SLFN14: variants seen among roughly 807,000 people sequenced by gnomAD.
The protein encoded by SLFN14 is protein SLFN14.
SLFN14 carries 47 observed loss-of-function variants against 58.6 expected under a neutral mutation model. The ratio of observed to expected loss-of-function variants is 0.80; its 90% CI spans 0.64 to 1.02. SLFN14 has a LOEUF of 1.02. SLFN14 is among the 50% of genes least tolerant of loss of function. SLFN14 has a pLI of 0.00. For synonymous variants in SLFN14, 390 were observed against 387.3 expected, an observed-to-expected ratio of 1.01 and a Z score of -0.08; for missense variants, 967 against 1,078.4, an observed-to-expected ratio of 0.90 and a Z score of 1.45.
In SLFN14 at chr17:35,545,459, G is replaced by A. The variant is rs2142191634; in HGVS notation, c.*2780C>T. 6.6e-6 allele frequency among the ~76,000 whole-genome samples: 1 copy of A among 152,188 alleles called. No homozygotes were observed. Among genetic ancestry groups the A allele is most frequent in the East Asian group, 1.9e-4 (1 of 5,180 alleles). On this transcript the variant is annotated 3_prime_UTR_variant, in exon 6 of 6. Transcript: ENST00000674182. ...ACAGAAAGAACAGACTAGGAGAAGG[G>A]TTCAATGGTTCTCAACCCTTGTGAC...
chr17:35,557,474 TGA>T lies in SLFN14; in HGVS notation c.587_588del (p.Leu196HisfsTer3), dbSNP rs1349054531. On this transcript the variant is annotated frameshift_variant, in exon 3 of 6. Transcript: ENST00000674182. LOFTEE classifies it high-confidence loss of function. ...LASEFFKKDK[L>X]MYKEKLNFTE... The stretch of plus-strand genomic sequence containing the variant: ...GTAAAGTTGAGTTTCTCCTTATACA[TGA>T]GTTTGTCCTTTTTAAAAAATTCTGA... 6.4e-7 allele frequency: 1 copy of T among 1,551,580 alleles called. No individual in the cohort carries two copies. The highest frequency in any genetic ancestry group is 8.7e-7 in the Non-Finnish European group (1 of 1,146,998).
In SLFN14 at chr17:35,557,102, C is replaced by T; in HGVS notation, c.961G>A (p.Val321Met). The T allele has an allele frequency of 2.6e-6, 4 of 1,551,664 alleles. No homozygotes were observed. The highest frequency in any genetic ancestry group is 3.5e-6 in the Non-Finnish European group (4 of 1,146,980). ...VIQVEPFCCV[V>M]FAEAPDSWIM... is the part of the protein sequence containing the mutation. ...CAGGAATCTGGGGCCTCTGCAAACACCACGCAACAGAAGGGCTCCACTTGA... is the reference window on the plus strand; with the variant it reads ...CAGGAATCTGGGGCCTCTGCAAACATCACGCAACAGAAGGGCTCCACTTGA... The change falls in exon 3 of 6, where the codon GTG becomes ATG. Residue 321 changes from valine (V) to methionine (M), a missense_variant. By Grantham distance (21) the Val-to-Met change is conservative. Coordinates refer to ENST00000674182, the MANE Select transcript of SLFN14 (RefSeq NM_001129820.2).
chr17:35,558,240 G>C (rs142755847), intron 2 of SLFN14, 134 bp from the exon 3 acceptor site: 2 of 672,782 alleles, frequency 3.0e-6, no homozygotes, highest in Non-Finnish European at 4.8e-6. Flanking sequence ...TATATTTGTT[G>C]TTGTTGTTTG....
At chr17:35,553,540 G>T in intron 4 of SLFN14, 96 bp from the exon 5 acceptor site, 1 of 948,394 alleles carries the variant, frequency 1.1e-6, no homozygotes, top group Non-Finnish European at 1.5e-6. Context: ...TGGTGCATTT[G>T]GGAAAATAAG....
In SLFN14 at chr17:35,553,440, T is replaced by C; in HGVS notation, c.1194A>G (p.Thr398=). ...EALQRHLFPV[T]QEEVQFKPES... The stretch of plus-strand genomic sequence containing the variant: ...CTGGTTTAAATTGTACCTCTTCCTG[T>C]GTCACTGAAAATTCAAGGAATAGAT... Residue 398 remains threonine (T), a synonymous_variant, in exon 5 of 6, where the codon ACA becomes ACG. Coordinates refer to ENST00000674182, the MANE Select transcript of SLFN14 (RefSeq NM_001129820.2). 2 of 1,531,222 alleles carry C rather than the reference T, an allele frequency of 1.3e-6. No homozygotes were observed. The highest frequency in any genetic ancestry group is 1.8e-6 in the Non-Finnish European group (2 of 1,136,672). The allele number at this position is 1,531,222 out of a possible 1,614,324, so 94.9% of individuals were successfully genotyped here.
intron 1 of SLFN14, among the ~76,000 whole-genome samples, 27 bp from the exon 2 acceptor site, chr17:35,559,832 G>A (rs978138597): frequency 2.0e-5 from 3 of 152,092 alleles, no homozygotes; most frequent in African/African-American, 7.2e-5. Context: ...ATCAACCTGG[G>A]GAATTCTTTT....
chr17:35,553,494 A>G (rs1233155352), intron 4 of SLFN14, 50 bp from the exon 5 acceptor site: 2 of 1,395,324 alleles, frequency 1.4e-6, no homozygotes, highest in Non-Finnish European at 1.9e-6. Flanking sequence ...AGCATGTGGT[A>G]AGTATTCCTG....
Position 35,548,531 on chromosome 17 carries a change from G to T in SLFN14, c.2447C>A (p.Ala816Glu), listed in dbSNP as rs754784029. ...FQCGYLPKDI[A>E]ILCRRGEDRG... ...GTCCTCCCCTCTCCTGCACAGAATT[G>T]CTATATCTTTGGGCAGATAGCCACA... Residue 816 changes from alanine (A) to glutamate (E), a missense_variant, in exon 6 of 6, where the codon GCA becomes GAA. Transcript: ENST00000674182. 5.2e-6 allele frequency: 8 copies of T among 1,551,608 alleles called. No individual in the cohort carries two copies. The South Asian group carries it at 9.5e-5, about 18-fold the overall frequency.
rs1289429493 is a variant in SLFN14 at position 35,545,704 on chromosome 17, G to A, written c.*2535C>T. On this transcript the variant is annotated 3_prime_UTR_variant, in exon 6 of 6. Transcript: ENST00000674182. Reference sequence around the variant, plus strand: ...TTTTGTAGAGATGGGGTCTTGTTATGTTGCCCAGGCTGGTCTCCAACTCCT... The same window carrying A: ...TTTTGTAGAGATGGGGTCTTGTTATATTGCCCAGGCTGGTCTCCAACTCCT... Among the ~76,000 whole-genome samples, 4 of 152,062 alleles carry A rather than the reference G, an allele frequency of 2.6e-5. No individual in the cohort carries two copies. The highest frequency in any genetic ancestry group is 4.8e-5 in the African/African-American group (2 of 41,420).
rs1377395697 is a variant in SLFN14 at position 35,558,007 on chromosome 17, A to G, written c.56T>C (p.Val19Ala). 3 of 1,551,510 alleles carry G rather than the reference A, an allele frequency of 1.9e-6. No individual in the cohort carries two copies. The highest frequency in any genetic ancestry group is 2.0e-5 in the Admixed American group (1 of 50,986). The change falls in exon 3 of 6, where the codon GTG becomes GCG. Residue 19 changes from valine (V) to alanine (A), a missense_variant. Coordinates refer to ENST00000674182, the MANE Select transcript of SLFN14 (RefSeq NM_001129820.2). Reference sequence around the variant, plus strand: ...TTCTTCTCCAAAAATCACTCTGCCCACATCTACTATTACCTCAGGATACGG... The same window carrying G: ...TTCTTCTCCAAAAATCACTCTGCCCGCATCTACTATTACCTCAGGATACGG... ...EMPYPEVIVD[V>A]GRVIFGEENR...
At chr17:35,552,355 G>A (rs913934480) in intron 5 of SLFN14, among the ~76,000 whole-genome samples, 5 of 152,000 alleles carry the variant, frequency 3.3e-5, no homozygotes, top group African/African-American at 1.2e-4. Context: ...TTTAAACATG[G>A]GGCTTGCAAC....
At chr17:35,560,240 T>C (rs928333762) in intron 1 of SLFN14, among the ~76,000 whole-genome samples, 1 of 152,260 alleles carries the variant, frequency 6.6e-6, no homozygotes, top group African/African-American at 2.4e-5. Context: ...CTCATCAATG[T>C]TATTTGAATG....
At chr17:35,549,937 T>C (rs1409782886) in intron 5 of SLFN14, among the ~76,000 whole-genome samples, 1 of 152,238 alleles carries the variant, frequency 6.6e-6, no homozygotes, top group Non-Finnish European at 1.5e-5. Context: ...GAGTTAGCCT[T>C]TTGACTGGAG....
At chr17:35,549,850 T>C (rs2072568945) in intron 5 of SLFN14, among the ~76,000 whole-genome samples, 1 of 152,230 alleles carries the variant, frequency 6.6e-6, no homozygotes, top group Admixed American at 6.5e-5. Flanking sequence ...GTTTGGACTG[T>C]GTGGACTCAA....
At chr17:35,552,663 C>CGT in intron 5 of SLFN14, 67 bp downstream of exon 5, 3 of 571,806 alleles carry the variant, frequency 5.2e-6, no homozygotes, top group Non-Finnish European at 8.2e-6. Flanking sequence ...TATATATACA[C>CGT]ATATATATAC....
Position 35,547,113 on chromosome 17 carries a change from G to T in SLFN14, c.*1126C>A, listed in dbSNP as rs1374262987. On this transcript the variant is annotated 3_prime_UTR_variant, in exon 6 of 6. Coordinates refer to ENST00000674182, the MANE Select transcript of SLFN14 (RefSeq NM_001129820.2). ...AATGTAGGCAAAATTTGTATATGTT[G>T]GGGGCAGTAAGGAGAGGGTTGGTGG... Among the ~76,000 whole-genome samples the T allele has an allele frequency of 6.6e-6, 1 of 152,108 alleles. No homozygotes were observed. The highest frequency in any genetic ancestry group is 1.5e-5 in the Non-Finnish European group (1 of 68,006).
Position 35,553,265 on chromosome 17 carries a change from C to T in SLFN14, c.1369G>A (p.Asp457Asn). ...GFRKEQNVLC[D>N]ALLIAVNSPV... is the part of the protein sequence containing the mutation. ...CTGTTAACTGCTATCAGGAGAGCAT[C>T]ACACAGGACATTCTGTTCTTTCCTG... Residue 457 changes from aspartate to asparagine, a missense_variant, in exon 5 of 6, where the codon GAT (aspartate) becomes AAT (asparagine). Physicochemically the swap from Asp to Asn is conservative, Grantham distance 23. Transcript: ENST00000674182. The T allele has an allele frequency of 6.4e-7, 1 of 1,551,674 alleles. No homozygotes were observed. Among genetic ancestry groups the T allele is most frequent in the Non-Finnish European group, 8.7e-7 (1 of 1,146,988 alleles).
At position 35,556,999 on chromosome 17, in the gene SLFN14, T is replaced by A; in HGVS notation, c.1060+4A>T. ...ATGGGGACAATGACTTCACTTCCCT[T>A]TACCTGACTGAGTATCCAGCATCAT... On this transcript the variant is annotated splice_donor_region_variant and intron_variant, in intron 3 of 5. Coordinates refer to ENST00000674182, the MANE Select transcript of SLFN14 (RefSeq NM_001129820.2). The A allele has an allele frequency of 6.5e-7, 1 of 1,547,738 alleles. No individual in the cohort carries two copies. The highest frequency in any genetic ancestry group is 1.2e-5 in the South Asian group (1 of 83,470).
intron 2 of SLFN14, among the ~76,000 whole-genome samples, chr17:35,558,458 AT>A (rs564865952): frequency 1.3e-3 from 180 of 141,554 alleles, no homozygotes; most frequent in East Asian, 1.2e-3. Context: ...TGTTCTTGCT[AT>A]TTTTTTTTTT....
Sources: allele counts gnomAD v4.1 joint callset (sites outside exome capture counted in the v4.1 genomes callset), GRCh38; gene constraint gnomAD v4.1.1; transcripts MANE v1.5; gene names NCBI Gene and HGNC (gene_info 2026-07-23, HGNC 2026-07-21).